The following ADRA1B variants were observed in gnomAD, a reference collection of about 807,000 sequenced individuals.
ADRA1B encodes adrenoceptor alpha 1B.
ADRA1B carries 17 observed loss-of-function variants against 17.9 expected under a neutral mutation model. That is an observed-to-expected ratio of 0.95 (90% CI 0.65 to 1.42). The LOEUF is 1.42. Among genes scored for constraint, ADRA1B ranks in the 40% most tolerant of loss-of-function variants. The probability of loss-of-function intolerance (pLI) is 0.00; values close to 1 mark genes in which losing one functional copy is unlikely to be tolerated. For synonymous variants in ADRA1B, 366 were observed against 327.6 expected, an observed-to-expected ratio of 1.12 and a Z score of -1.27; for missense variants, 681 against 722.1, an observed-to-expected ratio of 0.94 and a Z score of 0.65.
rs147237622 is a variant in ADRA1B at position 159,884,034 on chromosome 5, C to T, written c.-256+18828C>T. ...AGTGGTTGAATGAGCTGACTACTTG[C>T]GACAGAGAGAAGTGGTCTGTGGCAT... On this transcript the variant is annotated intron_variant, in intron 1 of 2. Transcript: ENST00000641205. 2.0e-3 allele frequency among the ~76,000 whole-genome samples: 299 copies of T among 152,282 alleles called. 1 individual carries two copies. The highest frequency in any genetic ancestry group is 6.4e-3 in the African/African-American group (266 of 41,560).
At chr5:159,903,833 G>A (rs949022892) in intron 1 of ADRA1B, among the ~76,000 whole-genome samples, 1 of 152,130 alleles carries the variant, frequency 6.6e-6, no homozygotes, top group African/African-American at 2.4e-5. Context: ...CTCCCCTAGA[G>A]CTGGAGGGGA....
At chr5:159,907,629 A>G (rs1314371608) in intron 1 of ADRA1B, among the ~76,000 whole-genome samples, 2 of 152,222 alleles carry the variant, frequency 1.3e-5, no homozygotes, top group Non-Finnish European at 1.5e-5. Context: ...TGTGTTTTTA[A>G]GATTATACAA....
At chr5:159,985,080 C>A in the ADRA1B span, among the ~76,000 whole-genome samples, 2 of 152,038 alleles carry the variant, frequency 1.3e-5, no homozygotes, top group Admixed American at 1.3e-4. Flanking sequence ...CACATGGGTC[C>A]CCTTAATGAA....
intron 1 of ADRA1B, among the ~76,000 whole-genome samples, chr5:159,877,461 G>A (rs182875878): frequency 3.3e-5 from 5 of 152,238 alleles, no homozygotes; most frequent in Admixed American, 6.5e-5. Context: ...GTCAAAAACC[G>A]AGAAAATAAT....
chr5:159,982,777 C>T, the ADRA1B span, among the ~76,000 whole-genome samples: 1 of 152,258 alleles, frequency 6.6e-6, no homozygotes, highest in East Asian at 1.9e-4. Context: ...CTCCTGCTTC[C>T]CTCCCTCCGC....
chr5:159,926,033 ACT>A (rs750476779), intron 1 of ADRA1B, among the ~76,000 whole-genome samples: 21 of 152,136 alleles, frequency 1.4e-4, no homozygotes, highest in Admixed American at 6.6e-5. Flanking sequence ...GCAGTGACCA[ACT>A]CTCTGCCGAA....
upstream of ADRA1B, among the ~76,000 whole-genome samples, chr5:159,912,204 T>A (rs894322169): frequency 2.6e-5 from 4 of 152,192 alleles, no homozygotes; most frequent in Non-Finnish European, 4.4e-5. Context: ...ACTATTCTGA[T>A]CTTCATTTCA....
At chr5:159,926,048 T>C (rs76458976) in intron 1 of ADRA1B, among the ~76,000 whole-genome samples, 4,912 of 152,284 alleles carry the variant, frequency 0.032, 97 homozygotes, top group Middle Eastern at 0.044. Context: ...CTGCCGAACA[T>C]GGGTGCTCAC....
At chr5:159,884,106 TA>T (rs1753896926) in intron 1 of ADRA1B, among the ~76,000 whole-genome samples, 1 of 152,140 alleles carries the variant, frequency 6.6e-6, no homozygotes, top group Admixed American at 6.5e-5. Flanking sequence ...AAAAATAAAT[TA>T]AAAAGAAAAA....
intron 1 of ADRA1B, among the ~76,000 whole-genome samples, chr5:159,888,940 T>C (rs1753954310): frequency 1.3e-5 from 2 of 152,232 alleles, no homozygotes; most frequent in South Asian, 4.1e-4. Context: ...GAAGTTTGAT[T>C]AGTTGCAGCC....
At chr5:159,948,654 A>G (rs1183818875) in intron 1 of ADRA1B, 2 of 182,800 alleles carry the variant, frequency 1.1e-5, no homozygotes, top group Non-Finnish European at 2.1e-5. Flanking sequence ...ACTATTTTGT[A>G]ACCTGTTCTT....
In ADRA1B at chr5:159,917,459, A is replaced by G. The variant is rs1340076597; in HGVS notation, c.554A>G (p.Lys185Arg). The G allele has an allele frequency of 6.2e-7, 1 of 1,614,138 alleles. No homozygotes were observed. The highest frequency in any genetic ancestry group is 1.7e-5 in the Admixed American group (1 of 60,018). ...VISIGPLLGW[K>R]EPAPNDDKEC... ...TCCATCGGGCCTCTCCTTGGGTGGA[A>G]GGAGCCGGCACCCAACGATGACAAG... The change falls in exon 1 of 2, where the codon AAG becomes AGG. Residue 185 changes from lysine to arginine, a missense_variant. Coordinates refer to ENST00000306675, the MANE Select transcript of ADRA1B (RefSeq NM_000679.4).
At chr5:159,914,810 A>G (rs1046868850), upstream of ADRA1B, among the ~76,000 whole-genome samples, 3 of 152,248 alleles carry the variant, frequency 2.0e-5, no homozygotes, top group Admixed American at 6.5e-5. Context: ...TATAACAAGT[A>G]TCAAGAGCAG....
chr5:159,940,394 C>A (rs572455883), intron 1 of ADRA1B, among the ~76,000 whole-genome samples: 8 of 152,214 alleles, frequency 5.3e-5, no homozygotes, highest in Middle Eastern at 3.4e-3. Context: ...ATGTGATTAC[C>A]CTGGCCTGCC....
At chr5:159,929,473 A>AG (rs1030267060) in intron 1 of ADRA1B, among the ~76,000 whole-genome samples, 2 of 150,030 alleles carry the variant, frequency 1.3e-5, no homozygotes, top group African/African-American at 2.5e-5. Context: ...TTTTAAAAAG[A>AG]GGGTTTTTTT....
intron 1 of ADRA1B, 22 bp from the exon 2 acceptor site, chr5:159,971,857 C>CGCGGG: frequency 3.1e-6 from 1 of 317,822 alleles, no homozygotes; most frequent in Non-Finnish European, 5.7e-6. Context: ...TCTGCCCGTG[C>CGCGGG]CCACCCCCCT....
intron 1 of ADRA1B, among the ~76,000 whole-genome samples, chr5:159,927,354 G>A (rs1754684327): frequency 1.4e-5 from 2 of 138,190 alleles, no homozygotes; most frequent in Non-Finnish European, 3.1e-5. Flanking sequence ...ATTGAAAAGG[G>A]AATAATAAAA....
chr5:159,901,444 G>A (rs1389104286), intron 1 of ADRA1B, among the ~76,000 whole-genome samples: 2 of 117,820 alleles, frequency 1.7e-5, no homozygotes, highest in African/African-American at 3.1e-5. Context: ...GAGGGGAGGG[G>A]GAGGGGAGGG....
intron 1 of ADRA1B, chr5:159,947,970 C>T (rs1017721473): frequency 2.9e-5 from 29 of 985,302 alleles, no homozygotes; most frequent in South Asian, 1.9e-4. Context: ...TTTGGCTTTG[C>T]GTCATGAAGG....
Sources: allele counts gnomAD v4.1 joint callset (sites outside exome capture counted in the v4.1 genomes callset), GRCh38; gene constraint gnomAD v4.1.1; transcripts MANE v1.5; gene names NCBI Gene and HGNC (gene_info 2026-07-23, HGNC 2026-07-21).